Variants in MEGF8 observed in about 807,000 individuals in gnomAD.
MEGF8 encodes multiple EGF like domains 8, also known as multiple epidermal growth factor-like domains protein 8.
Under a neutral mutation model 302.9 loss-of-function variants are expected in MEGF8, and 156 were observed. The ratio of observed to expected loss-of-function variants is 0.52; its 90% confidence interval spans 0.45 to 0.59. MEGF8 has a LOEUF of 0.59. Among genes scored for constraint, MEGF8 ranks in the 20% least tolerant of loss-of-function variants. The pLI, the probability that MEGF8 is intolerant of heterozygous loss-of-function variation, is 0.00. For synonymous variants in MEGF8, 1,621 were observed against 1,660.5 expected (o/e 0.98, Z 0.58); for missense variants, 3,345 against 3,964.5 (o/e 0.84, Z 4.20).
Position 42,357,057 on chromosome 19 carries a change from A to G in MEGF8, c.4830+76A>G, listed in dbSNP as rs1169321478. 4 of 1,389,344 alleles carry G rather than the reference A, an allele frequency of 2.9e-6. No homozygotes were observed. In the African/African-American group the frequency reaches 4.3e-5, roughly 15 times the overall value. 86.1% of individuals were successfully genotyped at this position (1,389,344 alleles called of 1,614,324 possible). A position where few individuals can be genotyped will look rare whatever the true frequency, so the allele number is the denominator to read the frequency against. On this transcript the variant is annotated intron_variant, in intron 27 of 41. Coordinates refer to ENST00000251268, the MANE Select transcript of MEGF8 (RefSeq NM_001271938.2). This position sits in a 1 kb window ranked among gnomAD's most constrained non-coding sequence, Gnocchi z 5.2. ...AGAGACAGCTGTGGTAGCTCCTGCC[A>G]GCTCCATCCCCAGAGGAAACAGAAG...
At chr19:42,342,961 C>A (rs749159689) in intron 8 of MEGF8, among the ~76,000 whole-genome samples, 1 of 152,134 alleles carries the variant, frequency 6.6e-6, no homozygotes, top group Non-Finnish European at 1.5e-5. Flanking sequence ...GACAACTCCA[C>A]CTAAGTCTCA....
At position 42,352,478 on chromosome 19, in the gene MEGF8, A is replaced by G. The variant is rs772942838; in HGVS notation, c.3350+22A>G. ...GCACGTGAGTGAGGCGGGGGTTGCTATGGAGATGTTGCCCCAGGCTGGGGC... is the reference window on the plus strand; with the variant it reads ...GCACGTGAGTGAGGCGGGGGTTGCTGTGGAGATGTTGCCCCAGGCTGGGGC... On this transcript the variant is annotated intron_variant, in intron 19 of 41. Transcript: ENST00000251268. The surrounding 1 kb of genome is among the most constrained non-coding windows in gnomAD (Gnocchi z 4.4). 27 of 1,562,744 alleles carry G rather than the reference A, an allele frequency of 1.7e-5. No homozygotes were observed. In the South Asian group the frequency reaches 2.9e-4, roughly 17 times the overall value.
At chr19:42,348,072 T>C (rs1487942980) in intron 12 of MEGF8, among the ~76,000 whole-genome samples, 200 bp from the exon 13 acceptor site, 2 of 152,242 alleles carry the variant, frequency 1.3e-5, no homozygotes. Flanking sequence ...TCTGGGACCC[T>C]GTCGTCTATT....
At chr19:42,340,285 A>C (rs2039193601) in intron 8 of MEGF8, among the ~76,000 whole-genome samples, 1 of 152,048 alleles carries the variant, frequency 6.6e-6, no homozygotes, top group Non-Finnish European at 1.5e-5. Flanking sequence ...ACTGAAGTGC[A>C]GTGGTGTGAT....
chr19:42,344,101 C>G lies in MEGF8; in HGVS notation c.1788+28C>G, dbSNP rs775877598. ...GAGTGACAGCCCTAGACCCTCTGTT[C>G]CCTAGCATAGAGACCTGCCCTCAGT... On this transcript the variant is annotated intron_variant, in intron 10 of 41. Coordinates refer to ENST00000251268, the MANE Select transcript of MEGF8 (RefSeq NM_001271938.2). The surrounding 1 kb of genome is among the most constrained non-coding windows in gnomAD (Gnocchi z 4.5). 3 of 1,609,716 alleles carry G rather than the reference C, an allele frequency of 1.9e-6. No individual in the cohort carries two copies. The highest frequency in any genetic ancestry group is 2.5e-6 in the Non-Finnish European group (3 of 1,178,522).
At chr19:42,370,653 G>T (rs774247868) in intron 39 of MEGF8, 48 bp from the exon 40 acceptor site, 2 of 1,566,672 alleles carry the variant, frequency 1.3e-6, no homozygotes, top group Non-Finnish European at 1.7e-6. Context: ...GAGGGAGGAG[G>T]GGGTTGGTCC....
Position 42,351,603 on chromosome 19 carries a change from C to T in MEGF8, c.2987+43C>T, listed in dbSNP as rs374749145. 1.3e-4 allele frequency: 208 copies of T among 1,601,370 alleles called. No individual in the cohort carries two copies. Among genetic ancestry groups the T allele is most frequent in the African/African-American group, 4.7e-4 (35 of 74,610 alleles). Reference sequence around the variant, plus strand: ...GGGCTAACAGAGGAAGATTCCCCACCGGCAAGGGGCTGGGGCTCTGACCCC... The same window carrying T: ...GGGCTAACAGAGGAAGATTCCCCACTGGCAAGGGGCTGGGGCTCTGACCCC... On this transcript the variant is annotated intron_variant, in intron 17 of 41. Transcript: ENST00000251268. The surrounding 1 kb of genome is among the most constrained non-coding windows in gnomAD (Gnocchi z 5.6).
chr19:42,360,791 G>A lies in MEGF8; in HGVS notation c.5505G>A (p.Gly1835=), dbSNP rs763852948. The A allele has an allele frequency of 1.3e-6, 2 of 1,593,056 alleles. No individual in the cohort carries two copies. Residue 1835 remains glycine, a synonymous_variant, in exon 32 of 42, where the codon GGG becomes GGA. Transcript: ENST00000251268. ...TTTCCTCAGGCTCGGCCTCTGTGGG[G>A]CCCCCAATGGAGGAGTCTGTGGCCC... The part of the protein sequence containing the change: ...LPDLTRSASV[G]PPMEESVAHA...
chr19:42,333,862 C>T, intron 2 of MEGF8, 94 bp downstream of exon 2: 1 of 1,551,146 alleles, frequency 6.4e-7, no homozygotes, highest in Non-Finnish European at 8.8e-7. Flanking sequence ...AAGAGCAGAG[C>T]ACAGGGACAA....
At chr19:42,374,005 G>A (rs923073722) in intron 41 of MEGF8, among the ~76,000 whole-genome samples, 4 of 152,164 alleles carry the variant, frequency 2.6e-5, no homozygotes, top group African/African-American at 9.7e-5. Flanking sequence ...GAGTCACTGC[G>A]TCTGTTTTCT....
rs1170036682 is a variant in MEGF8 at position 42,343,568 on chromosome 19, G to T, written c.1605G>T (p.Arg535=). The T allele has an allele frequency of 6.2e-7, 1 of 1,613,194 alleles. No individual in the cohort carries two copies. Among genetic ancestry groups the T allele is most frequent in the African/African-American group, 1.3e-5 (1 of 74,904 alleles). Residue 535 remains arginine, a synonymous_variant, in exon 9 of 42, where the codon CGG becomes CGT. Coordinates refer to ENST00000251268, the MANE Select transcript of MEGF8 (RefSeq NM_001271938.2). The part of the protein sequence containing the change: ...VLLVAGGYSG[R]PRGDLMAYKV... ...TGGTGGCTGGGGGGTACAGCGGCCG[G>T]CCCCGTGGGGACTTGATGGCGTACA...
chr19:42,336,617 C>A lies in MEGF8; in HGVS notation c.1245-190C>A, dbSNP rs1204103582. Among the ~76,000 whole-genome samples, 1 of 152,196 alleles carries A rather than the reference C, an allele frequency of 6.6e-6. No individual in the cohort carries two copies. The highest frequency in any genetic ancestry group is 1.5e-5 in the Non-Finnish European group (1 of 68,044). ...AACAGAGCCCTGCTTGGTGTCCAGC[C>A]CTTGCTAGCTTATGCAGGTAACTCA... is the stretch of plus-strand genomic sequence containing the variant. On this transcript the variant is annotated intron_variant, in intron 6 of 41. Transcript: ENST00000251268. This position sits in a 1 kb window ranked among gnomAD's most constrained non-coding sequence, Gnocchi z 4.8.
chr19:42,353,030 C>T lies in MEGF8; in HGVS notation c.3453C>T (p.Ala1151=), dbSNP rs954685038. Reference sequence around the variant, plus strand: ...CAGACCTGCCCCCTCCCACACCCGCCCCGGGTCCGCCAGCCCCCCGCTGCT... The same window carrying T: ...CAGACCTGCCCCCTCCCACACCCGCTCCGGGTCCGCCAGCCCCCCGCTGCT... ...WTSDLPPPTP[A]PGPPAPRCSR... is the part of the protein sequence containing the mutation. The change falls in exon 20 of 42, where the codon GCC becomes GCT. Residue 1151 remains alanine, a synonymous_variant. Transcript: ENST00000251268. This position sits in a 1 kb window ranked among gnomAD's most constrained non-coding sequence, Gnocchi z 6.1. 9 of 1,556,224 alleles carry T rather than the reference C, an allele frequency of 5.8e-6. No individual in the cohort carries two copies. The Middle Eastern group carries it at 5.2e-4, about 89-fold the overall frequency.
intron 41 of MEGF8, among the ~76,000 whole-genome samples, chr19:42,371,728 C>G (rs1042235718): frequency 6.6e-6 from 1 of 152,112 alleles, no homozygotes; most frequent in Non-Finnish European, 1.5e-5. Flanking sequence ...GTCTCCATTA[C>G]AGGTAGTCAC....
chr19:42,362,600 G>A lies in MEGF8; in HGVS notation c.6058+3G>A, dbSNP rs368789319. 4 of 1,609,312 alleles carry A rather than the reference G, an allele frequency of 2.5e-6. No homozygotes were observed. In the African/African-American group the frequency reaches 5.4e-5, roughly 22 times the overall value. ...GACGCGGCAGTTCAAGAGGACAGGT[G>A]AGCAGTGGGCCTAGTTCCTGAGAGG... On this transcript the variant is annotated splice_donor_region_variant and intron_variant, in intron 34 of 41. Coordinates refer to ENST00000251268, the MANE Select transcript of MEGF8 (RefSeq NM_001271938.2).
At chr19:42,348,537 G>C (rs2039322872) in intron 13 of MEGF8, 65 bp downstream of exon 13, 5 of 1,393,328 alleles carry the variant, frequency 3.6e-6, no homozygotes, top group Non-Finnish European at 4.7e-6. Flanking sequence ...GTGTGGTATA[G>C]AGCATCTGTG....
In MEGF8 at chr19:42,375,484, A is replaced by C. The variant is rs1451484867; in HGVS notation, c.7270-23A>C. 2.6e-6 allele frequency: 4 copies of C among 1,542,738 alleles called. No individual in the cohort carries two copies. The African/African-American group carries it at 5.5e-5, about 21-fold the overall frequency. On this transcript the variant is annotated intron_variant, in intron 41 of 41. Transcript: ENST00000251268. The surrounding 1 kb of genome is among the most constrained non-coding windows in gnomAD (Gnocchi z 7.1). ...GGCACCGCACTCAGCCCTGATGGTC[A>C]CCGCCTCTAACCCTGCCCGCAGTGC... is the stretch of plus-strand genomic sequence containing the variant.
chr19:42,353,043 G>A lies in MEGF8; in HGVS notation c.3466G>A (p.Ala1156Thr), dbSNP rs1167359530. The stretch of plus-strand genomic sequence containing the variant: ...TCCCACACCCGCCCCGGGTCCGCCA[G>A]CCCCCCGCTGCTCCCGGGACTGTGG... ...PPPTPAPGPP[A>T]PRCSRDCGCS... Residue 1156 changes from alanine (A) to threonine (T), a missense_variant, in exon 20 of 42, where the codon GCC becomes ACC. Physicochemically the swap from Ala to Thr is moderately conservative, Grantham distance 58 (BLOSUM62 0). Coordinates refer to ENST00000251268, the MANE Select transcript of MEGF8 (RefSeq NM_001271938.2). This position sits in a 1 kb window ranked among gnomAD's most constrained non-coding sequence, Gnocchi z 6.1. 2 of 1,553,058 alleles carry A rather than the reference G, an allele frequency of 1.3e-6. No individual in the cohort carries two copies. Among genetic ancestry groups the A allele is most frequent in the Non-Finnish European group, 1.7e-6 (2 of 1,148,680 alleles).
At chr19:42,350,007 C>T (rs1440715871) in intron 14 of MEGF8, 141 bp from the exon 15 acceptor site, 3 of 691,736 alleles carry the variant, frequency 4.3e-6, no homozygotes, top group Admixed American at 5.7e-5. Flanking sequence ...GACCTTGGAC[C>T]TCTTTACTGA....
Sources: allele counts gnomAD v4.1 joint callset (sites outside exome capture counted in the v4.1 genomes callset), GRCh38; gene constraint gnomAD v4.1.1; non-coding constraint Gnocchi (gnomAD v3.1); transcripts MANE v1.5; gene names NCBI Gene and HGNC (gene_info 2026-07-23, HGNC 2026-07-21).